The following SOCS6 variants were observed in gnomAD, a reference collection of about 807,000 sequenced individuals.
SOCS6 encodes suppressor of cytokine signaling 6, also known as STAT induced STAT inhibitor-4.
Under a neutral mutation model 27.7 loss-of-function variants are expected in SOCS6, and 5 were observed. The ratio of observed to expected loss-of-function variants is 0.18; its 90% CI spans 0.09 to 0.38. The LOEUF is 0.38. Ranked by LOEUF, SOCS6 falls within the 10% of genes least tolerant of loss-of-function variation. The pLI, the probability that SOCS6 is intolerant of heterozygous loss-of-function variation, is 1.00. For synonymous variants in SOCS6, 271 were observed against 260.0 expected (o/e 1.04, Z -0.41); for missense variants, 595 against 688.1 (o/e 0.86, Z 1.51).
At chr18:70,297,432 A>G (rs1025042471) in intron 1 of SOCS6, among the ~76,000 whole-genome samples, 1 of 152,066 alleles carries the variant, frequency 6.6e-6, no homozygotes, top group East Asian at 1.9e-4. Context: ...GGAAAACCAG[A>G]TCTATTTTTT....
In SOCS6 at chr18:70,327,389, C is replaced by CA. The variant is rs372124498; in HGVS notation, c.*1114dup. On this transcript the variant is annotated 3_prime_UTR_variant, in exon 2 of 2. Transcript: ENST00000397942. ...GCTGGATTTGACCAATCCTTACCCC[C>CA]ACTATAAAGAGAACCCGTGATGACT... 6.5e-4 allele frequency: 108 copies of CA among 166,814 alleles called. 2 individuals are homozygous for CA. Among genetic ancestry groups the CA allele is most frequent in the African/African-American group, 2.5e-3 (103 of 41,526 alleles). The allele number at this position is 166,814 out of a possible 1,614,324, so 10.3% of individuals were successfully genotyped here.
intron 1 of SOCS6, among the ~76,000 whole-genome samples, chr18:70,305,225 A>C (rs905491301): frequency 6.6e-6 from 1 of 152,054 alleles, no homozygotes; most frequent in African/African-American, 2.4e-5. Context: ...AAAAAAAAAA[A>C]GTTTTATAGT....
chr18:70,289,629 C>T (rs1176394372), intron 1 of SOCS6, among the ~76,000 whole-genome samples: 2 of 148,090 alleles, frequency 1.4e-5, no homozygotes, highest in African/African-American at 2.4e-5. Flanking sequence ...GCGGCGAGGC[C>T]GCAGGCGCGA....
At position 70,324,966 on chromosome 18, in the gene SOCS6, G is replaced by A. The variant is rs1911135967; in HGVS notation, c.298G>A (p.Asp100Asn). Residue 100 changes from aspartate to asparagine, a missense_variant, in exon 2 of 2, where the codon GAC becomes AAC. Transcript: ENST00000397942. ...GGGCACACCCTCTGGGAGCTCTGCC[G>A]ACGAGGACACCTTCTCCTCCTCCTC... Reference protein sequence around the residue: ...KAGTPSGSSADEDTFSSSSAP... With the variant: ...KAGTPSGSSANEDTFSSSSAP... 11 of 1,614,040 alleles carry A rather than the reference G, an allele frequency of 6.8e-6. No individual in the cohort carries two copies. Among genetic ancestry groups the A allele is most frequent in the Admixed American group, 1.7e-5 (1 of 60,000 alleles).
chr18:70,325,004 C>T lies in SOCS6; in HGVS notation c.336C>T (p.Val112=), dbSNP rs1450137381. 1.2e-6 allele frequency: 2 copies of T among 1,614,048 alleles called. No homozygotes were observed. The highest frequency in any genetic ancestry group is 1.7e-6 in the Non-Finnish European group (2 of 1,180,034). ...DTFSSSSAPI[V]FKDVRAQRPI... is the part of the protein sequence containing the mutation. ...TCTCCTCCTCCTCAGCACCCATAGT[C>T]TTTAAAGACGTGAGAGCTCAGAGGC... Residue 112 remains valine, a synonymous_variant, in exon 2 of 2, where the codon GTC becomes GTT. Transcript: ENST00000397942. This position sits in a 1 kb window ranked among gnomAD's most constrained non-coding sequence, Gnocchi z 6.3.
chr18:70,324,839 C>G lies in SOCS6; in HGVS notation c.171C>G (p.Asn57Lys). ...AAGATATGGCCAGCTGCGATATCAA[C>G]GGTGAAGATGAAAAAGGCGGAAAAA... ...YGKDMASCDI[N>K]GEDEKGGKNR... Residue 57 changes from asparagine (N) to lysine (K), a missense_variant, in exon 2 of 2, where the codon AAC (asparagine) becomes AAG (lysine). This residue lies in a region of SOCS6 where 467 missense variants were observed against 481.1 expected (regional missense o/e 0.97). Transcript: ENST00000397942. 4 of 1,614,068 alleles carry G rather than the reference C, an allele frequency of 2.5e-6. No individual in the cohort carries two copies. Among genetic ancestry groups the G allele is most frequent in the Non-Finnish European group, 3.4e-6 (4 of 1,180,002 alleles).
chr18:70,304,718 A>T (rs2062361867), intron 1 of SOCS6, among the ~76,000 whole-genome samples: 1 of 152,244 alleles, frequency 6.6e-6, no homozygotes, highest in Non-Finnish European at 1.5e-5. Context: ...TATGATACAC[A>T]GATATTTTCT....
rs10451405 is a variant in SOCS6, at chr18:70,305,263, C to A, written c.-127+16173C>A. Among the ~76,000 whole-genome samples the A allele has an allele frequency of 8.3e-3, 1,270 of 152,156 alleles. 22 individuals carry two copies. Among genetic ancestry groups the A allele is most frequent in the African/African-American group, 0.029 (1,192 of 41,520 alleles). The stretch of plus-strand genomic sequence containing the variant: ...TAGTTCATACATTTAGGTATATGAC[C>A]CATTTTGACTTAATTCTTACCTATG... On this transcript the variant is annotated intron_variant, in intron 1 of 1. Coordinates refer to ENST00000397942, the MANE Select transcript of SOCS6 (RefSeq NM_004232.4).
chr18:70,318,398 T>G (rs975550147), intron 1 of SOCS6, among the ~76,000 whole-genome samples: 1 of 152,170 alleles, frequency 6.6e-6, no homozygotes, highest in African/African-American at 2.4e-5. Flanking sequence ...GGGAGCTGTC[T>G]TTGGTGTTGG....
chr18:70,310,280 G>GTT (rs966328703), intron 1 of SOCS6, among the ~76,000 whole-genome samples: 8 of 116,954 alleles, frequency 6.8e-5, no homozygotes, highest in East Asian at 2.1e-4. Flanking sequence ...TTCATAAATG[G>GTT]TTTTTTTTTT....
chr18:70,296,600 T>G (rs1418061637), intron 1 of SOCS6: 1 of 152,276 alleles, frequency 6.6e-6, no homozygotes, highest in Non-Finnish European at 1.5e-5. Context: ...GTGTTTCCTC[T>G]TGGAATATTG....
Position 70,324,711 on chromosome 18 carries a change from T to C in SOCS6, c.43T>C (p.Leu15=). 1 of 1,604,640 alleles carries C rather than the reference T, an allele frequency of 6.2e-7. No homozygotes were observed. Among genetic ancestry groups the C allele is most frequent in the Middle Eastern group, 1.7e-4 (1 of 6,012 alleles). ...TAAAACCTTACGGAAATCTTTTAAC[T>C]TGAATAAAAGTAAAGAAGAAACTGA... The part of the protein sequence containing the change: ...SLKTLRKSFN[L]NKSKEETDFM... Residue 15 remains leucine, a synonymous_variant, in exon 2 of 2, where the codon TTG becomes CTG. Transcript: ENST00000397942.
chr18:70,318,173 T>G (rs535611399), intron 1 of SOCS6, among the ~76,000 whole-genome samples: 1 of 151,228 alleles, frequency 6.6e-6, no homozygotes, highest in South Asian at 2.3e-4. Context: ...TATTATATAG[T>G]TTTTTTTTAA....
At chr18:70,307,889 G>A (rs1256779937) in intron 1 of SOCS6, among the ~76,000 whole-genome samples, 1 of 151,646 alleles carries the variant, frequency 6.6e-6, no homozygotes, top group Admixed American at 6.6e-5. Flanking sequence ...ACTTTCATTG[G>A]GTTTAGTTAT....
intron 1 of SOCS6, among the ~76,000 whole-genome samples, chr18:70,323,982 C>G (rs1600169142): frequency 6.6e-6 from 1 of 152,100 alleles, no homozygotes; most frequent in East Asian, 1.9e-4. Flanking sequence ...GCCAAAAGAA[C>G]AAAAGGTAGA....
Position 70,328,602 on chromosome 18 carries a change from A to G in SOCS6, c.*2326A>G, listed in dbSNP as rs1025497759. The G allele has an allele frequency of 6.0e-6, 1 of 167,026 alleles. No individual in the cohort carries two copies. Among genetic ancestry groups the G allele is most frequent in the Non-Finnish European group, 1.5e-5 (1 of 68,124 alleles). The allele number at this position is 167,026 out of a possible 1,614,324, so 10.3% of individuals were successfully genotyped here. ...AATTTTGATGCGCTTTTGTATATTC[A>G]TAATATATACTTTAATATGCCCTAT... On this transcript the variant is annotated 3_prime_UTR_variant, in exon 2 of 2. Coordinates refer to ENST00000397942, the MANE Select transcript of SOCS6 (RefSeq NM_004232.4).
chr18:70,293,682 G>T (rs967024568), intron 1 of SOCS6, among the ~76,000 whole-genome samples: 3 of 151,972 alleles, frequency 2.0e-5, no homozygotes, highest in Admixed American at 2.0e-4. Context: ...TGCAGATCTA[G>T]GTTTGAATTT....
chr18:70,300,022 T>C (rs2062341247), intron 1 of SOCS6, among the ~76,000 whole-genome samples: 1 of 152,198 alleles, frequency 6.6e-6, no homozygotes, highest in Admixed American at 6.5e-5. Context: ...CGTATACGTA[T>C]AAAGACAGTG....
At chr18:70,321,938 A>G (rs187036774) in intron 1 of SOCS6, among the ~76,000 whole-genome samples, 1 of 152,286 alleles carries the variant, frequency 6.6e-6, no homozygotes, top group East Asian at 1.9e-4. Context: ...AATGGGGATA[A>G]TAAAGCTGTT....
Sources: allele counts gnomAD v4.1 joint callset (sites outside exome capture counted in the v4.1 genomes callset), GRCh38; gene constraint gnomAD v4.1.1; regional missense constraint gnomAD v4.1.1; non-coding constraint Gnocchi (gnomAD v3.1); transcripts MANE v1.5; gene names NCBI Gene and HGNC (gene_info 2026-07-23, HGNC 2026-07-21).